CAST: variants seen among roughly 807,000 people sequenced by gnomAD.
The protein encoded by CAST is MIR583 host.
CAST carries 76 observed loss-of-function variants against 119.6 expected under a neutral mutation model. The observed-to-expected ratio is 0.64, with a 90% CI of 0.53 to 0.77. CAST has a LOEUF of 0.77. Among genes scored for constraint, CAST ranks in the 30% least tolerant of loss-of-function variants. The pLI, the probability that CAST is intolerant of heterozygous loss-of-function variation, is 0.00. For synonymous variants in CAST, 319 were observed against 331.6 expected (o/e 0.96, Z 0.41); for missense variants, 953 against 946.5 (o/e 1.01, Z -0.09).
chr5:96,082,159 G>A, the CAST span, among the ~76,000 whole-genome samples: 4 of 152,128 alleles, frequency 2.6e-5, no homozygotes, highest in African/African-American at 9.7e-5. Flanking sequence ...TGATCTGCCC[G>A]CCTTGGCCTT....
the CAST span, among the ~76,000 whole-genome samples, chr5:96,301,247 T>A: frequency 6.6e-6 from 1 of 152,166 alleles, no homozygotes; most frequent in African/African-American, 2.4e-5. Flanking sequence ...ACTTGCATTA[T>A]GAGAGCAGCA....
chr5:96,242,346 G>T, the CAST span, among the ~76,000 whole-genome samples: 1 of 152,070 alleles, frequency 6.6e-6, no homozygotes, highest in Non-Finnish European at 1.5e-5. Flanking sequence ...GCTTAGCCTA[G>T]TCTCAAACTT....
the CAST span, among the ~76,000 whole-genome samples, chr5:96,064,224 C>T: frequency 6.6e-6 from 1 of 152,070 alleles, no homozygotes; most frequent in Non-Finnish European, 1.5e-5. Context: ...TTTCTTGATG[C>T]TATTGACCAG....
At chr5:96,734,269 G>T (rs148370071) in intron 9 of CAST, among the ~76,000 whole-genome samples, 19 of 152,326 alleles carry the variant, frequency 1.2e-4, no homozygotes, top group Non-Finnish European at 2.6e-4. Flanking sequence ...AGGTGAATTT[G>T]TACATGTGGT....
chr5:96,727,471 C>CT lies in CAST; in HGVS notation c.337-11dup. The CT allele has an allele frequency of 6.9e-6, 10 of 1,451,648 alleles. No homozygotes were observed. Among genetic ancestry groups the CT allele is most frequent in the African/African-American group, 1.4e-5 (1 of 69,496 alleles). The allele number at this position is 1,451,648 out of a possible 1,614,324, so 89.9% of individuals were successfully genotyped here. On this transcript the variant is annotated splice_polypyrimidine_tract_variant and intron_variant, in intron 5 of 31. Transcript: ENST00000675179. Reference sequence around the variant, plus strand: ...CTTTTCTTCCTTCCTTTTTTTCTTTCTTTTTTTCTGAACTTAGGCTGTAAA... The same window carrying CT: ...CTTTTCTTCCTTCCTTTTTTTCTTTCTTTTTTTTCTGAACTTAGGCTGTAAA...
chr5:96,017,805 T>C, the CAST span, among the ~76,000 whole-genome samples: 1 of 152,200 alleles, frequency 6.6e-6, no homozygotes, highest in Non-Finnish European at 1.5e-5. Flanking sequence ...TAATTTTATT[T>C]GTATAGGTGC....
chr5:96,156,704 C>T, the CAST span, among the ~76,000 whole-genome samples: 2 of 152,144 alleles, frequency 1.3e-5, no homozygotes, highest in South Asian at 2.1e-4. Context: ...TGTCTCTTTA[C>T]GAACTCCAAA....
the CAST span, among the ~76,000 whole-genome samples, chr5:96,267,367 A>G: frequency 6.6e-6 from 1 of 152,210 alleles, no homozygotes; most frequent in Non-Finnish European, 1.5e-5. Flanking sequence ...AGACTGCCCC[A>G]AGGCATATAA....
At chr5:96,325,077 C>T in the CAST span, among the ~76,000 whole-genome samples, 2 of 152,020 alleles carry the variant, frequency 1.3e-5, no homozygotes, top group Non-Finnish European at 1.5e-5. Flanking sequence ...TGGTGGTGAG[C>T]ACCTGTAATC....
chr5:96,363,741 AC>A, the CAST span, among the ~76,000 whole-genome samples: 2 of 152,182 alleles, frequency 1.3e-5, no homozygotes, highest in African/African-American at 4.8e-5. Context: ...TTGGGCTAAG[AC>A]GGTGGGGTTT....
chr5:96,359,729 TG>T, the CAST span, among the ~76,000 whole-genome samples: 1 of 152,208 alleles, frequency 6.6e-6, no homozygotes, highest in South Asian at 2.1e-4. Context: ...CTTCCCTTTG[TG>T]GGTAACCTGA....
the CAST span, among the ~76,000 whole-genome samples, chr5:96,288,998 T>G: frequency 6.6e-6 from 1 of 152,066 alleles, no homozygotes; most frequent in Non-Finnish European, 1.5e-5. Flanking sequence ...TAGTTTGGAT[T>G]GCAAAACCCA....
At chr5:96,388,510 G>C in the CAST span, among the ~76,000 whole-genome samples, 6 of 152,144 alleles carry the variant, frequency 3.9e-5, no homozygotes, top group African/African-American at 1.4e-4. Context: ...GCCTCTGCTT[G>C]CATCACATTC....
chr5:96,355,379 G>T, the CAST span, among the ~76,000 whole-genome samples: 1 of 152,074 alleles, frequency 6.6e-6, no homozygotes, highest in Non-Finnish European at 1.5e-5. Flanking sequence ...TTATGTCTGC[G>T]TAGTATTCTG....
At chr5:96,317,949 G>A in the CAST span, among the ~76,000 whole-genome samples, 1 of 152,198 alleles carries the variant, frequency 6.6e-6, no homozygotes, top group East Asian at 1.9e-4. Context: ...TCAGCAAATA[G>A]CTCAAATTTA....
At chr5:96,346,932 C>A in the CAST span, among the ~76,000 whole-genome samples, 1 of 152,118 alleles carries the variant, frequency 6.6e-6, no homozygotes, top group Non-Finnish European at 1.5e-5. Context: ...ATATGCTATT[C>A]CTGGATAAGA....
chr5:96,203,802 TTAATAA>T, the CAST span, among the ~76,000 whole-genome samples: 7 of 152,020 alleles, frequency 4.6e-5, no homozygotes, highest in East Asian at 1.2e-3. Flanking sequence ...TTGGAAGCAT[TTAATAA>T]TAATAATAAG....
At chr5:96,386,635 T>G in the CAST span, among the ~76,000 whole-genome samples, 3 of 152,212 alleles carry the variant, frequency 2.0e-5, no homozygotes, top group African/African-American at 7.2e-5. Context: ...TCACAAATAA[T>G]GAAAACTAAC....
the CAST span, among the ~76,000 whole-genome samples, chr5:96,453,342 G>A: frequency 0.036 from 5,543 of 152,286 alleles, 321 homozygotes; most frequent in African/African-American, 0.12. Context: ...AAGATTTACA[G>A]TTGGTCTACA....
Sources: allele counts gnomAD v4.1 joint callset (sites outside exome capture counted in the v4.1 genomes callset), GRCh38; gene constraint gnomAD v4.1.1; transcripts MANE v1.5; gene names NCBI Gene and HGNC (gene_info 2026-07-23, HGNC 2026-07-21).